Variants in DEPTOR observed in about 807,000 individuals in gnomAD.
The protein encoded by DEPTOR is DEP domain containing MTOR interacting protein.
DEPTOR carries 41 observed loss-of-function variants against 41.6 expected under a neutral mutation model. That is an observed-to-expected ratio of 0.98 (90% CI 0.77 to 1.28). DEPTOR has a LOEUF of 1.28. Among genes scored for constraint, DEPTOR ranks in the 50% most tolerant of loss-of-function variants. DEPTOR has a pLI of 0.00. For missense variants in DEPTOR, 514 were observed against 527.9 expected (o/e 0.97, Z 0.26); for synonymous variants, 195 against 192.3 (o/e 1.01, Z -0.12).
chr8:119,873,840 T>G lies in DEPTOR; in HGVS notation c.-7T>G. ...GGAGCCAGTGGTAGCCGCACGGCCCTAAAACCATGGAGGAGGGCGGCAGCA... is the reference window on the plus strand; with the variant it reads ...GGAGCCAGTGGTAGCCGCACGGCCCGAAAACCATGGAGGAGGGCGGCAGCA... On this transcript the variant is annotated 5_prime_UTR_variant, in exon 1 of 9. Coordinates refer to ENST00000286234, the MANE Select transcript of DEPTOR (RefSeq NM_022783.4). 6.2e-7 allele frequency: 1 copy of G among 1,612,374 alleles called. No homozygotes were observed. Among genetic ancestry groups the G allele is most frequent in the Non-Finnish European group, 8.5e-7 (1 of 1,179,398 alleles).
chr8:119,921,268 T>C (rs894391922), intron 1 of DEPTOR, among the ~76,000 whole-genome samples: 1 of 152,178 alleles, frequency 6.6e-6, no homozygotes, highest in Admixed American at 6.5e-5. Context: ...TGAGCCACCA[T>C]GCCCAGCTGA....
At chr8:119,909,310 A>G (rs1827707105) in intron 1 of DEPTOR, among the ~76,000 whole-genome samples, 1 of 152,208 alleles carries the variant, frequency 6.6e-6, no homozygotes, top group African/African-American at 2.4e-5. Context: ...GGAGAATGCG[A>G]CAGATAACTG....
At chr8:119,949,361 T>C (rs1052440668) in intron 3 of DEPTOR, among the ~76,000 whole-genome samples, 1 of 152,226 alleles carries the variant, frequency 6.6e-6, no homozygotes, top group African/African-American at 2.4e-5. Context: ...TGTGGATATA[T>C]GTTTTCATTT....
chr8:119,886,877 C>T (rs1422719444), intron 1 of DEPTOR, among the ~76,000 whole-genome samples: 8 of 152,102 alleles, frequency 5.3e-5, no homozygotes, highest in Non-Finnish European at 5.9e-5. Flanking sequence ...ACCATTTCTT[C>T]ACTTGCTCAG....
chr8:119,994,070 G>C (rs1401125302), intron 4 of DEPTOR, among the ~76,000 whole-genome samples: 1 of 151,716 alleles, frequency 6.6e-6, no homozygotes, highest in Non-Finnish European at 1.5e-5. Context: ...GCAGGAGGTG[G>C]AGGTTGCAGT....
chr8:120,045,086 C>T (rs1186320064), intron 8 of DEPTOR, among the ~76,000 whole-genome samples: 2 of 152,084 alleles, frequency 1.3e-5, no homozygotes, highest in African/African-American at 4.8e-5. Context: ...TCCTCTATAC[C>T]CCTAGAGATG....
intron 4 of DEPTOR, among the ~76,000 whole-genome samples, chr8:119,997,261 A>T (rs1812279994): frequency 1.3e-5 from 2 of 152,044 alleles, no homozygotes; most frequent in Admixed American, 1.3e-4. Context: ...TTGAGACAGG[A>T]TCTCACTCTG....
chr8:120,000,556 G>A (rs1430935674), intron 4 of DEPTOR, among the ~76,000 whole-genome samples: 45 of 152,002 alleles, frequency 3.0e-4, no homozygotes, highest in Admixed American at 2.9e-3. Flanking sequence ...TCTGCCTCCC[G>A]GGTTCAAGTG....
At position 119,965,228 on chromosome 8, in the gene DEPTOR, C is replaced by G; in HGVS notation, c.426-4C>G. ...ACTTTTCTTTTCCCTTTTTTTCTTC[C>G]CAGGCTGATGAGCCCTGAAAACACA... On this transcript the variant is annotated splice_region_variant and splice_polypyrimidine_tract_variant and intron_variant, in intron 3 of 8. Transcript: ENST00000286234. 3.1e-6 allele frequency: 5 copies of G among 1,594,552 alleles called. No individual in the cohort carries two copies. The highest frequency in any genetic ancestry group is 4.3e-6 in the Non-Finnish European group (5 of 1,174,478).
intron 8 of DEPTOR, among the ~76,000 whole-genome samples, chr8:120,019,953 T>C (rs980619146): frequency 1.3e-5 from 2 of 152,182 alleles, no homozygotes; most frequent in African/African-American, 4.8e-5. Context: ...AGGTCCTTTC[T>C]GACTGATTTC....
rs2130085997 is a variant in DEPTOR, at chr8:120,003,016, G to A, written c.830G>A (p.Arg277Lys). 6.2e-7 allele frequency: 1 copy of A among 1,601,420 alleles called. No individual in the cohort carries two copies. The highest frequency in any genetic ancestry group is 1.3e-5 in the African/African-American group (1 of 74,460). ...SKEIKIVSAV[R>K]RSSMSSCGSS... ...GAGATCAAGATCGTGTCTGCAGTGA[G>A]GAGAAGCAGCATGAGCAGCTGTGGC... The change falls in exon 6 of 9, where the codon AGG becomes AAG. Residue 277 changes from arginine (R) to lysine (K), a missense_variant. By Grantham distance (26) the Arg-to-Lys change is conservative. Transcript: ENST00000286234.
chr8:120,008,211 ATGGTGGAGCCCT>A (rs1812474821), intron 7 of DEPTOR, among the ~76,000 whole-genome samples: 1 of 152,016 alleles, frequency 6.6e-6, no homozygotes. Context: ...AGAAAGGGGC[ATGGTGGAGCCCT>A]TGGTGGAGGG....
intron 1 of DEPTOR, among the ~76,000 whole-genome samples, chr8:119,914,683 G>A (rs761204946): frequency 2.4e-4 from 37 of 152,220 alleles, no homozygotes; most frequent in South Asian, 6.2e-4. Flanking sequence ...CAGGTGATCC[G>A]CCTGCCTGGG....
intron 1 of DEPTOR, among the ~76,000 whole-genome samples, chr8:119,889,575 ACGGGAGG>A (rs1563957714): frequency 4.0e-4 from 39 of 97,966 alleles, no homozygotes; most frequent in East Asian, 2.0e-3. Context: ...AGGAGAGGAG[ACGGGAGG>A]GGAGAGAAGG....
chr8:119,874,087 G>A (rs1827200475), intron 1 of DEPTOR, 119 bp downstream of exon 1: 1 of 1,533,160 alleles, frequency 6.5e-7, no homozygotes, highest in East Asian at 2.4e-5. Context: ...GCGCCGGAAC[G>A]GCTGCGGGCG....
At chr8:120,029,631 G>C (rs1278040543) in intron 8 of DEPTOR, among the ~76,000 whole-genome samples, 1 of 152,100 alleles carries the variant, frequency 6.6e-6, no homozygotes, top group Non-Finnish European at 1.5e-5. Context: ...CTTGACCCCA[G>C]GTGATCCACC....
intron 8 of DEPTOR, among the ~76,000 whole-genome samples, chr8:120,030,497 G>GTTTTTTTTTTTGTTTTTTTTTTTTTT (rs1812871335): frequency 2.2e-5 from 1 of 46,192 alleles, no homozygotes; most frequent in Non-Finnish European, 3.7e-5. Context: ...AGGTTCATCA[G>GTTTTTTTTTTTGTTTTTTTTTTTTTT]TTTTTTTTTT....
intron 8 of DEPTOR, among the ~76,000 whole-genome samples, chr8:120,018,358 A>G (rs1336459798): frequency 6.6e-6 from 1 of 152,154 alleles, no homozygotes; most frequent in Non-Finnish European, 1.5e-5. Context: ...CAGGCGGATC[A>G]CCTGAGATCA....
chr8:119,877,641 A>G (rs1563954280), intron 1 of DEPTOR, among the ~76,000 whole-genome samples: 1 of 152,248 alleles, frequency 6.6e-6, no homozygotes, highest in Non-Finnish European at 1.5e-5. Flanking sequence ...GATTTGAAAT[A>G]AAAAATTTAG....
Sources: allele counts gnomAD v4.1 joint callset (sites outside exome capture counted in the v4.1 genomes callset), GRCh38; gene constraint gnomAD v4.1.1; transcripts MANE v1.5; gene names NCBI Gene and HGNC (gene_info 2026-07-23, HGNC 2026-07-21).